Variants in CACNB2 observed in about 807,000 individuals in gnomAD.
CACNB2 encodes the protein calcium voltage-gated channel auxiliary subunit beta 2, also known as voltage-dependent L-type calcium channel subunit beta-2.
CACNB2 carries 42 observed loss-of-function variants against 73.3 expected under a neutral mutation model. That is an observed-to-expected ratio of 0.57 (90% CI 0.45 to 0.74). The LOEUF (loss-of-function observed/expected upper bound fraction) is 0.74, where lower values mean the gene tolerates loss of function less well. CACNB2 is among the 30% of genes least tolerant of loss of function. The probability of loss-of-function intolerance (pLI) is 0.00; values close to 1 mark genes in which losing one functional copy is unlikely to be tolerated. For missense variants in CACNB2, 940 were observed against 853.0 expected (o/e 1.10, Z -1.27); for synonymous variants, 348 against 310.3 (o/e 1.12, Z -1.28).
At chr10:18,293,147 T>C (rs1051643886) in intron 2 of CACNB2, among the ~76,000 whole-genome samples, 3 of 152,224 alleles carry the variant, frequency 2.0e-5, no homozygotes, top group African/African-American at 7.2e-5. Context: ...AAAAGAGGTG[T>C]ACCTTAGTTT....
intron 2 of CACNB2, among the ~76,000 whole-genome samples, chr10:18,287,510 G>C (rs2038855504): frequency 6.6e-6 from 1 of 152,070 alleles, no homozygotes; most frequent in Admixed American, 6.5e-5. Context: ...AAATGGTGTG[G>C]TTTAATACAA....
chr10:18,539,751 T>C lies in CACNB2; in HGVS notation c.*27T>C, dbSNP rs766650514. ...TTTTGCCCGTTTGTGTTTTTTTTTT[T>C]TTTTTTTTGAAGTCTTGTATAACTA... On this transcript the variant is annotated 3_prime_UTR_variant, in exon 14 of 14. Coordinates refer to ENST00000324631, the MANE Select transcript of CACNB2 (RefSeq NM_201596.3). The C allele has an allele frequency of 1.9e-6, 3 of 1,587,880 alleles. No individual in the cohort carries two copies. The South Asian group carries it at 3.5e-5, about 18-fold the overall frequency.
intron 2 of CACNB2, chr10:18,261,045 C>A (rs2037513573): frequency 4.3e-6 from 6 of 1,386,152 alleles, no homozygotes; most frequent in South Asian, 3.2e-5. Flanking sequence ...CAAATTACGC[C>A]CCCCACCCCC....
chr10:18,150,324 C>T (rs776473319), intron 1 of CACNB2, among the ~76,000 whole-genome samples: 51 of 152,268 alleles, frequency 3.3e-4, no homozygotes, highest in African/African-American at 8.2e-4. Flanking sequence ...ATTTATAAGA[C>T]GACATCCATT....
chr10:18,507,249 A>G (rs2050540657), intron 6 of CACNB2, among the ~76,000 whole-genome samples: 1 of 152,234 alleles, frequency 6.6e-6, no homozygotes. Context: ...AACAGAGGGT[A>G]AAGTGAAGAT....
intron 2 of CACNB2, among the ~76,000 whole-genome samples, chr10:18,159,108 G>A (rs1222953458): frequency 6.6e-6 from 1 of 151,444 alleles, no homozygotes; most frequent in Non-Finnish European, 1.5e-5. Context: ...GTTCTCCTTG[G>A]CTACATTTAT....
chr10:18,196,276 C>G (rs1034576721), intron 2 of CACNB2, among the ~76,000 whole-genome samples: 4 of 149,560 alleles, frequency 2.7e-5, no homozygotes, highest in African/African-American at 9.8e-5. Context: ...ACAATGGCAG[C>G]ACCACCACCA....
chr10:18,387,816 G>A (rs761105563), intron 2 of CACNB2, among the ~76,000 whole-genome samples: 12 of 151,644 alleles, frequency 7.9e-5, no homozygotes, highest in Non-Finnish European at 1.6e-4. Flanking sequence ...GGGTGCAGTG[G>A]TACAATCAAG....
intron 2 of CACNB2, among the ~76,000 whole-genome samples, chr10:18,170,009 G>A (rs1016551183): frequency 2.0e-5 from 3 of 152,138 alleles, no homozygotes; most frequent in African/African-American, 7.2e-5. Flanking sequence ...TGACAAGATG[G>A]CTCCCAACAG....
At chr10:18,288,232 A>G (rs557935368) in intron 2 of CACNB2, among the ~76,000 whole-genome samples, 2 of 152,294 alleles carry the variant, frequency 1.3e-5, no homozygotes, top group South Asian at 4.1e-4. Context: ...CATAACTCAA[A>G]CCCATAACAA....
chr10:18,228,441 A>AAAAAAAAAAG (rs1564360874), intron 2 of CACNB2, among the ~76,000 whole-genome samples: 3 of 145,092 alleles, frequency 2.1e-5, no homozygotes, highest in Non-Finnish European at 4.5e-5. Flanking sequence ...CTCAAAAAAA[A>AAAAAAAAAAG]AAAAAAAAGA....
At chr10:18,431,105 C>G (rs2045868792) in intron 3 of CACNB2, among the ~76,000 whole-genome samples, 1 of 151,970 alleles carries the variant, frequency 6.6e-6, no homozygotes, top group Admixed American at 6.6e-5. Flanking sequence ...ACCTCAGTCT[C>G]CAGGGTAGCT....
chr10:18,219,263 C>T (rs1357846551), intron 2 of CACNB2, among the ~76,000 whole-genome samples: 1 of 152,024 alleles, frequency 6.6e-6, no homozygotes, highest in Non-Finnish European at 1.5e-5. Context: ...TAACATGTTC[C>T]TTTTTTTGCC....
At chr10:18,244,306 G>A (rs147471867) in intron 2 of CACNB2, among the ~76,000 whole-genome samples, 119 of 152,276 alleles carry the variant, frequency 7.8e-4, no homozygotes, top group South Asian at 2.3e-3. Context: ...ATTGAATTTA[G>A]CAATGGATTT....
intron 2 of CACNB2, among the ~76,000 whole-genome samples, chr10:18,345,801 T>C (rs1439945709): frequency 1.3e-5 from 2 of 152,222 alleles, no homozygotes; most frequent in Admixed American, 1.3e-4. Flanking sequence ...AGTCACAGGA[T>C]TAAACCTCAG....
At chr10:18,224,850 T>G (rs2035929365) in intron 2 of CACNB2, among the ~76,000 whole-genome samples, 1 of 152,152 alleles carries the variant, frequency 6.6e-6, no homozygotes, top group African/African-American at 2.4e-5. Context: ...AGGGCCTCAG[T>G]CCTCCCTTAA....
intron 10 of CACNB2, among the ~76,000 whole-genome samples, chr10:18,532,571 G>T (rs1340410435): frequency 6.6e-6 from 1 of 151,324 alleles, no homozygotes; most frequent in Non-Finnish European, 1.5e-5. Flanking sequence ...CTATGTGGGA[G>T]GCTGAGGCGA....
intron 2 of CACNB2, among the ~76,000 whole-genome samples, chr10:18,264,846 A>G (rs1403807687): frequency 6.6e-6 from 1 of 152,176 alleles, no homozygotes; most frequent in Non-Finnish European, 1.5e-5. Flanking sequence ...GGGACATGCC[A>G]TATTGTGAAT....
chr10:18,250,571 G>A (rs2037050407), intron 2 of CACNB2, among the ~76,000 whole-genome samples: 1 of 150,726 alleles, frequency 6.6e-6, no homozygotes, highest in South Asian at 2.1e-4. Context: ...TCTAAATGTA[G>A]AGGGTGCCTA....
Sources: allele counts gnomAD v4.1 joint callset (sites outside exome capture counted in the v4.1 genomes callset), GRCh38; gene constraint gnomAD v4.1.1; transcripts MANE v1.5; gene names NCBI Gene and HGNC (gene_info 2026-07-23, HGNC 2026-07-21).